The following LUC7L2 variants were observed in gnomAD, a reference collection of about 807,000 sequenced individuals.
The protein encoded by LUC7L2 is putative RNA-binding protein Luc7-like 2.
Under a neutral mutation model 52.8 loss-of-function variants are expected in LUC7L2, and 25 were observed. The ratio of observed to expected loss-of-function variants is 0.47; its 90% CI spans 0.34 to 0.66. The LOEUF is 0.66. Among genes scored for constraint, LUC7L2 ranks in the 30% least tolerant of loss-of-function variants. The pLI is 0.01. For synonymous variants in LUC7L2, 144 were observed against 160.9 expected, an observed-to-expected ratio of 0.89 and a Z score of 0.80; for missense variants, 328 against 497.8, an observed-to-expected ratio of 0.66 and a Z score of 3.25.
intron 1 of LUC7L2, among the ~76,000 whole-genome samples, chr7:139,348,644 G>A (rs1343545187): frequency 2.0e-5 from 3 of 151,966 alleles, no homozygotes; most frequent in Non-Finnish European, 4.4e-5. Context: ...GCTTGAACCC[G>A]GGAGGTGGAG....
rs910223882 is a variant in LUC7L2, at chr7:139,359,937, G to A, written c.-325G>A. The A allele has an allele frequency of 3.8e-5, 16 of 421,636 alleles. No individual in the cohort carries two copies. Among genetic ancestry groups the A allele is most frequent in the Non-Finnish European group, 2.1e-5 (5 of 238,100 alleles). The allele number at this position is 421,636 out of a possible 1,614,324, so 26.1% of individuals were successfully genotyped here. ...GTGGCGGCGAGCGGCGTCAGAGCTTGAGGGGGGGTTGACGGCTTCTGGCGG... is the reference window on the plus strand; with the variant it reads ...GTGGCGGCGAGCGGCGTCAGAGCTTAAGGGGGGGTTGACGGCTTCTGGCGG... On this transcript the variant is annotated 5_prime_UTR_variant, in exon 1 of 10. Coordinates refer to ENST00000354926, the MANE Select transcript of LUC7L2 (RefSeq NM_016019.5).
In LUC7L2 at chr7:139,422,380, G is replaced by C; in HGVS notation, c.*40G>C. The C allele has an allele frequency of 6.3e-7, 1 of 1,575,274 alleles. No individual in the cohort carries two copies. Among genetic ancestry groups the C allele is most frequent in the Non-Finnish European group, 8.6e-7 (1 of 1,163,304 alleles). On this transcript the variant is annotated 3_prime_UTR_variant, in exon 10 of 10. Transcript: ENST00000354926. ...TTCTTCAGTCCTTAAGCTTCCTACG[G>C]AGTTACGTACTATTGTTTAGTTCAC...
intron 7 of LUC7L2, among the ~76,000 whole-genome samples, chr7:139,411,521 T>C (rs376643750): frequency 1.3e-5 from 2 of 152,168 alleles, no homozygotes; most frequent in African/African-American, 2.4e-5. Flanking sequence ...AGAGAGGATA[T>C]GTAACTTACT....
intron 6 of LUC7L2, among the ~76,000 whole-genome samples, chr7:139,408,223 G>GTGATC (rs1440133805): frequency 6.6e-6 from 1 of 152,130 alleles, no homozygotes; most frequent in African/African-American, 2.4e-5. Flanking sequence ...AGTAGCTAGG[G>GTGATC]TGATCTCAAG....
chr7:139,402,452 T>G (rs148382428), intron 4 of LUC7L2, among the ~76,000 whole-genome samples: 1 of 152,234 alleles, frequency 6.6e-6, no homozygotes, highest in Non-Finnish European at 1.5e-5. Context: ...TCCTTATATT[T>G]TATTCAGATT....
chr7:139,356,051 A>T (rs1408850874), upstream of LUC7L2, among the ~76,000 whole-genome samples: 3 of 152,334 alleles, frequency 2.0e-5, no homozygotes, highest in East Asian at 5.8e-4. Context: ...TCACACCTGT[A>T]ATTCCAGCAC....
At chr7:139,390,215 G>GTC (rs5887929) in intron 2 of LUC7L2, among the ~76,000 whole-genome samples, 2,074 of 148,772 alleles carry the variant, frequency 0.014, 20 homozygotes, top group Non-Finnish European at 0.021. Flanking sequence ...CCAGTGCCCA[G>GTC]TCTCTCTCTC....
upstream of LUC7L2, among the ~76,000 whole-genome samples, chr7:139,357,793 G>A (rs1026590380): frequency 5.3e-5 from 8 of 151,464 alleles, no homozygotes; most frequent in African/African-American, 1.9e-4. Context: ...TTGGGTTCAA[G>A]CGGTTCTCCT....
intron 1 of LUC7L2, among the ~76,000 whole-genome samples, chr7:139,360,954 G>T (rs1799849752): frequency 6.6e-6 from 1 of 152,188 alleles, no homozygotes. Flanking sequence ...CCTCCATTTT[G>T]TTAGACAATT....
At chr7:139,375,998 G>C (rs945621046) in intron 1 of LUC7L2, 64 bp from the exon 2 acceptor site, 1 of 1,544,810 alleles carries the variant, frequency 6.5e-7, no homozygotes, top group African/African-American at 1.4e-5. Context: ...AGTAATAGTA[G>C]GGCTCTCAGA....
At chr7:139,407,371 T>C in intron 6 of LUC7L2, 21 bp downstream of exon 6, 2 of 1,597,506 alleles carry the variant, frequency 1.3e-6, no homozygotes, top group South Asian at 1.1e-5. Context: ...AAAATATTCC[T>C]CACTTTATCC....
upstream of LUC7L2, chr7:139,359,878 C>T (rs1799768994): frequency 2.4e-6 from 1 of 415,710 alleles, no homozygotes; most frequent in Non-Finnish European, 4.3e-6. Flanking sequence ...AACGACTGAG[C>T]GCGAGGAGCG....
At chr7:139,412,491 C>T in intron 7 of LUC7L2, 60 bp from the exon 8 acceptor site, 1 of 1,529,598 alleles carries the variant, frequency 6.5e-7, no homozygotes, top group Non-Finnish European at 8.9e-7. Flanking sequence ...TATAATGTAA[C>T]ACTGCACTGT....
At chr7:139,421,436 A>G (rs998476141) in intron 9 of LUC7L2, among the ~76,000 whole-genome samples, 1 of 152,194 alleles carries the variant, frequency 6.6e-6, no homozygotes, top group Non-Finnish European at 1.5e-5. Context: ...TTGATTTATT[A>G]TTTACCTTTC....
At chr7:139,393,212 A>T (rs1177509165) in intron 2 of LUC7L2, among the ~76,000 whole-genome samples, 5 of 151,706 alleles carry the variant, frequency 3.3e-5, no homozygotes, top group Non-Finnish European at 7.4e-5. Context: ...GGTTGCAGTG[A>T]GCTGAGATTG....
At chr7:139,399,631 A>C (rs1394693178) in intron 3 of LUC7L2, among the ~76,000 whole-genome samples, 1 of 151,326 alleles carries the variant, frequency 6.6e-6, no homozygotes, top group Non-Finnish European at 1.5e-5. Flanking sequence ...CACCACACCC[A>C]GCTAATTTTT....
intron 1 of LUC7L2, among the ~76,000 whole-genome samples, chr7:139,342,833 G>A (rs1343925173): frequency 6.6e-6 from 1 of 152,194 alleles, no homozygotes; most frequent in Non-Finnish European, 1.5e-5. Context: ...TTACCCTTGA[G>A]AGAGACTTGG....
At chr7:139,355,790 T>C (rs1338305511), upstream of LUC7L2, among the ~76,000 whole-genome samples, 1 of 152,008 alleles carries the variant, frequency 6.6e-6, no homozygotes. Flanking sequence ...TGTCCAGAAG[T>C]TGATGAGAGG....
chr7:139,395,363 A>AG (rs1198543667), intron 2 of LUC7L2, among the ~76,000 whole-genome samples: 2 of 152,210 alleles, frequency 1.3e-5, no homozygotes, highest in African/African-American at 4.8e-5. Flanking sequence ...TACACATCAT[A>AG]GAAAGCTTTA....
Sources: gnomAD v4.1 joint callset for allele counts (sites outside exome capture counted in the v4.1 genomes callset) on GRCh38, gnomAD v4.1.1 for gene constraint, MANE v1.5 for transcripts, NCBI Gene and HGNC (gene_info 2026-07-23, HGNC 2026-07-21) for gene names.